The following DNAH11 variants were observed in gnomAD, a reference collection of about 807,000 sequenced individuals.
The protein encoded by DNAH11 is dynein axonemal heavy chain 11, also known as axonemal beta dynein heavy chain 11.
A neutral mutation model predicts 526.0 loss-of-function variants in DNAH11; 442 were observed. The observed-to-expected ratio is 0.84, with a 90% CI of 0.78 to 0.91. The LOEUF (loss-of-function observed/expected upper bound fraction) is 0.91. DNAH11 is among the 40% of genes least tolerant of loss of function. The probability of loss-of-function intolerance (pLI) is 0.00; values close to 1 mark genes in which losing one functional copy is unlikely to be tolerated. For synonymous variants in DNAH11, 2,461 were observed against 1,935.9 expected, an observed-to-expected ratio of 1.27 and a Z score of -7.12; for missense variants, 6,989 against 5,448.7, an observed-to-expected ratio of 1.28 and a Z score of -8.90.
At chr7:21,610,147 G>A (rs950279318) in intron 20 of DNAH11, among the ~76,000 whole-genome samples, 2 of 152,208 alleles carry the variant, frequency 1.3e-5, no homozygotes, top group South Asian at 2.1e-4. Flanking sequence ...CCAGCTACTC[G>A]GGAGGCTGAG....
chr7:21,740,921 A>G (rs1483288973), intron 48 of DNAH11, among the ~76,000 whole-genome samples: 2 of 152,192 alleles, frequency 1.3e-5, no homozygotes, highest in Admixed American at 1.3e-4. Context: ...GACAGTAATC[A>G]TGCTAATGAG....
Position 21,558,939 on chromosome 7 carries a change from T to G in DNAH11, c.633T>G (p.Leu211=). The part of the protein sequence containing the change: ...IFRGKMSRRT[L]LPIPTVAGKM... ...GGGGCAAAATGTCTAGAAGAACTCT[T>G]CTACCAATTCCCACTGTTGCAGGAA... The change falls in exon 3 of 82, where the codon CTT becomes CTG. Residue 211 remains leucine, a synonymous_variant. Transcript: ENST00000409508. 1 of 1,596,540 alleles carries G rather than the reference T, an allele frequency of 6.3e-7. No individual in the cohort carries two copies.
chr7:21,868,038 C>G (rs1182330300), intron 72 of DNAH11, 31 bp downstream of exon 72: 1 of 1,456,218 alleles, frequency 6.9e-7, no homozygotes, highest in Admixed American at 2.4e-5. Context: ...CTGGCCCGCC[C>G]CTTCTCCCTC....
chr7:21,769,195 A>G (rs1196013783), intron 55 of DNAH11, among the ~76,000 whole-genome samples: 1 of 152,244 alleles, frequency 6.6e-6, no homozygotes, highest in African/African-American at 2.4e-5. Flanking sequence ...TGGCTTAAGC[A>G]TATCTTCAGA....
In DNAH11 at chr7:21,861,834, G is replaced by C. The variant is rs751507185; in HGVS notation, c.11203-19G>C. On this transcript the variant is annotated intron_variant, in intron 68 of 81. Coordinates refer to ENST00000409508, the MANE Select transcript of DNAH11 (RefSeq NM_001277115.2). ...AGGCACCAGTTGTCACATTTTAATG[G>C]TCACATTAAATTTCCCAGGCTTTTA... 5.0e-6 allele frequency: 8 copies of C among 1,609,358 alleles called. No homozygotes were observed. Among genetic ancestry groups the C allele is most frequent in the Non-Finnish European group, 5.9e-6 (7 of 1,178,120 alleles).
Position 21,663,302 on chromosome 7 carries a change from T to G in DNAH11, c.5328+4271T>G, listed in dbSNP as rs564696402. ...AATAAACATAGGGGTAGAGATATCTTTCTGATGCAATGACTTATTTTCCTT... is the reference window on the plus strand; with the variant it reads ...AATAAACATAGGGGTAGAGATATCTGTCTGATGCAATGACTTATTTTCCTT... On this transcript the variant is annotated intron_variant, in intron 30 of 81. Coordinates refer to ENST00000409508, the MANE Select transcript of DNAH11 (RefSeq NM_001277115.2). Among the ~76,000 whole-genome samples the G allele has an allele frequency of 6.6e-5, 10 of 152,244 alleles. No individual in the cohort carries two copies. In the South Asian group the frequency reaches 2.1e-3, roughly 32 times the overall value.
Position 21,744,870 on chromosome 7 carries a change from G to T in DNAH11, c.8317G>T (p.Gly2773Cys), listed in dbSNP as rs569296562. ...MLETAYKYFEGIDSHMLLQQP... is the reference protein window; with the variant it reads ...MLETAYKYFECIDSHMLLQQP... ...TATTTTTCTCTTTCTCATCCTGCAGGGTATAGATAGTCACATGCTGCTTCA... is the reference window on the plus strand; with the variant it reads ...TATTTTTCTCTTTCTCATCCTGCAGTGTATAGATAGTCACATGCTGCTTCA... The change falls in exon 51 of 82, where the codon GGT becomes TGT. Residue 2773 changes from glycine (G) to cysteine (C), a missense_variant and splice_region_variant. Physicochemically the swap from Gly to Cys is radical, Grantham distance 159. Coordinates refer to ENST00000409508, the MANE Select transcript of DNAH11 (RefSeq NM_001277115.2). 172 of 1,606,824 alleles carry T rather than the reference G, an allele frequency of 1.1e-4. No homozygotes were observed. Among genetic ancestry groups the T allele is most frequent in the Non-Finnish European group, 1.4e-4 (165 of 1,176,670 alleles).
chr7:21,632,143 T>C (rs1393930424), intron 25 of DNAH11, among the ~76,000 whole-genome samples: 1 of 152,198 alleles, frequency 6.6e-6, no homozygotes, highest in African/African-American at 2.4e-5. Context: ...TTGGCCCCTT[T>C]CAGCCATGGC....
rs562876397 is a variant in DNAH11, at chr7:21,712,980, T to TA, written c.6983+1121dup. ...ACAATGAAAGCTTATATGGAACACTTACATAAAAAGAAATCACTTAGGTTA... is the reference window on the plus strand; with the variant it reads ...ACAATGAAAGCTTATATGGAACACTTAACATAAAAAGAAATCACTTAGGTTA... On this transcript the variant is annotated intron_variant, in intron 42 of 81. Coordinates refer to ENST00000409508, the MANE Select transcript of DNAH11 (RefSeq NM_001277115.2). 3.1e-3 allele frequency among the ~76,000 whole-genome samples: 469 copies of TA among 152,336 alleles called. 2 individuals are homozygous for TA. The highest frequency in any genetic ancestry group is 0.011 in the African/African-American group (452 of 41,572).
Position 21,606,469 on chromosome 7 carries a change from C to T in DNAH11, c.3692C>T (p.Thr1231Ile), listed in dbSNP as rs752366149. ...RWETTKKIAATVRHEVSPLHN... is the reference protein window; with the variant it reads ...RWETTKKIAAIVRHEVSPLHN... The stretch of plus-strand genomic sequence containing the variant: ...GAAACTACCAAAAAGATCGCAGCAA[C>T]TGTCAGACATGAAGTCTCACCTCTC... The change falls in exon 19 of 82, where the codon ACT becomes ATT. Residue 1231 changes from threonine (T) to isoleucine (I), a missense_variant. Physicochemically the swap from Thr to Ile is moderately conservative, Grantham distance 89. Coordinates refer to ENST00000409508, the MANE Select transcript of DNAH11 (RefSeq NM_001277115.2). The T allele has an allele frequency of 6.2e-7, 1 of 1,607,848 alleles. No individual in the cohort carries two copies. Among genetic ancestry groups the T allele is most frequent in the Non-Finnish European group, 8.5e-7 (1 of 1,178,508 alleles).
intron 42 of DNAH11, among the ~76,000 whole-genome samples, chr7:21,716,984 C>T (rs952855695): frequency 6.6e-6 from 1 of 151,790 alleles, no homozygotes; most frequent in Non-Finnish European, 1.5e-5. Context: ...TGTGGTCATA[C>T]TCCTTCTCTG....
chr7:21,850,152 T>G lies in DNAH11; in HGVS notation c.10897-2315T>G, dbSNP rs1256562237. On this transcript the variant is annotated intron_variant, in intron 66 of 81. Transcript: ENST00000409508. Reference sequence around the variant, plus strand: ...CAGGCGGATCACAAGGTCAGGAGATTGAGACCATCCTGGCTAACACGGTGA... The same window carrying G: ...CAGGCGGATCACAAGGTCAGGAGATGGAGACCATCCTGGCTAACACGGTGA... Among the ~76,000 whole-genome samples the G allele has an allele frequency of 2.0e-5, 3 of 151,666 alleles. No homozygotes were observed. In the South Asian group the frequency reaches 6.2e-4, roughly 32 times the overall value.
chr7:21,881,632 G>T (rs543472827), intron 75 of DNAH11, among the ~76,000 whole-genome samples: 33 of 152,278 alleles, frequency 2.2e-4, no homozygotes, highest in African/African-American at 7.9e-4. Flanking sequence ...TAGGATACAT[G>T]TGTCAAAACC....
intron 39 of DNAH11, 30 bp from the exon 40 acceptor site, chr7:21,707,668 AT>A (rs1230099967): frequency 5.0e-6 from 8 of 1,599,684 alleles, no homozygotes; most frequent in South Asian, 1.1e-5. Context: ...GTTAGTATTA[AT>A]TTTTTTGGCT....
chr7:21,890,911 G>A (rs372268877), intron 76 of DNAH11, among the ~76,000 whole-genome samples: 6 of 151,968 alleles, frequency 3.9e-5, no homozygotes, highest in South Asian at 2.1e-4. Context: ...AAATCCTCCC[G>A]GTACAAAATA....
intron 2 of DNAH11, among the ~76,000 whole-genome samples, chr7:21,549,208 C>G (rs1782923247): frequency 6.6e-6 from 1 of 152,154 alleles, no homozygotes; most frequent in Non-Finnish European, 1.5e-5. Flanking sequence ...TCTTATTTCC[C>G]CATGCATCCT....
At chr7:21,632,338 C>T (rs572224835) in intron 25 of DNAH11, among the ~76,000 whole-genome samples, 36 of 152,302 alleles carry the variant, frequency 2.4e-4, no homozygotes, top group Non-Finnish European at 4.1e-4. Context: ...CATTCAGCTC[C>T]TGGTTACTTT....
chr7:21,655,449 C>A (rs545313697), intron 28 of DNAH11, among the ~76,000 whole-genome samples: 24 of 152,206 alleles, frequency 1.6e-4, no homozygotes, highest in African/African-American at 5.5e-4. Flanking sequence ...ATTTTAATAG[C>A]TTTTTCATAG....
At chr7:21,632,401 T>C (rs1786658462) in intron 25 of DNAH11, among the ~76,000 whole-genome samples, 1 of 152,182 alleles carries the variant, frequency 6.6e-6, no homozygotes, top group Non-Finnish European at 1.5e-5. Flanking sequence ...GGATTTTCTT[T>C]CCTATCACAT....
Sources: allele counts gnomAD v4.1 joint callset (sites outside exome capture counted in the v4.1 genomes callset), GRCh38; gene constraint gnomAD v4.1.1; transcripts MANE v1.5; gene names NCBI Gene and HGNC (gene_info 2026-07-23, HGNC 2026-07-21).